RALGAPA2: variants seen among roughly 807,000 people sequenced by gnomAD.
The protein encoded by RALGAPA2 is ral GTPase-activating protein subunit alpha-2.
RALGAPA2 carries 139 observed loss-of-function variants against 230.4 expected under a neutral mutation model. The ratio of observed to expected loss-of-function variants is 0.60; its 90% CI spans 0.53 to 0.69. RALGAPA2 has a LOEUF of 0.69. Among genes scored for constraint, RALGAPA2 ranks in the 30% least tolerant of loss-of-function variants. The pLI is 0.00. For synonymous variants in RALGAPA2, 847 were observed against 837.8 expected (o/e 1.01, Z -0.19); for missense variants, 2,163 against 2,276.0 (o/e 0.95, Z 1.01).
chr20:20,504,558 C>A (rs1209499736), intron 34 of RALGAPA2, among the ~76,000 whole-genome samples: 1 of 152,060 alleles, frequency 6.6e-6, no homozygotes, highest in East Asian at 1.9e-4. Context: ...ACCATCTCTA[C>A]TAAAAATACA....
intron 20 of RALGAPA2, among the ~76,000 whole-genome samples, chr20:20,575,284 C>A (rs1332901516): frequency 1.3e-5 from 2 of 152,124 alleles, no homozygotes; most frequent in African/African-American, 4.8e-5. Context: ...ATTTCTCCAA[C>A]AACATATTTG....
At chr20:20,397,606 G>A (rs1414265059) in intron 38 of RALGAPA2, among the ~76,000 whole-genome samples, 1 of 152,168 alleles carries the variant, frequency 6.6e-6, no homozygotes, top group Non-Finnish European at 1.5e-5. Flanking sequence ...TATCAGTGAC[G>A]TGGACCATTG....
chr20:20,563,057 A>C (rs1163448914), intron 23 of RALGAPA2, among the ~76,000 whole-genome samples: 1 of 152,184 alleles, frequency 6.6e-6, no homozygotes, highest in Non-Finnish European at 1.5e-5. Flanking sequence ...CAGCTTCTGT[A>C]TTTTATCACT....
chr20:20,653,216 AAAAAAAAAAT>A (rs2067469031), intron 4 of RALGAPA2, among the ~76,000 whole-genome samples: 1 of 149,828 alleles, frequency 6.7e-6, no homozygotes, highest in African/African-American at 2.5e-5. Context: ...AAAAAAAAAA[AAAAAAAAAAT>A]ACACACTACT....
intron 36 of RALGAPA2, among the ~76,000 whole-genome samples, chr20:20,479,330 T>C (rs2061720862): frequency 6.6e-6 from 1 of 152,198 alleles, no homozygotes; most frequent in Non-Finnish European, 1.5e-5. Context: ...ATTAGGCTAG[T>C]ACAATCTTAA....
chr20:20,564,526 A>C (rs1467764708), intron 23 of RALGAPA2, among the ~76,000 whole-genome samples: 1 of 152,270 alleles, frequency 6.6e-6, no homozygotes, highest in Non-Finnish European at 1.5e-5. Flanking sequence ...CATGGCAGGA[A>C]AAAATATTCA....
Position 20,392,831 on chromosome 20 carries a change from C to A in RALGAPA2, c.*458G>T, listed in dbSNP as rs560634993. 13 of 237,466 alleles carry A rather than the reference C, an allele frequency of 5.5e-5. No individual in the cohort carries two copies. Among genetic ancestry groups the A allele is most frequent in the Non-Finnish European group, 2.5e-5 (3 of 118,084 alleles). 14.7% of individuals were successfully genotyped at this position (237,466 alleles called of 1,614,324 possible). Reference sequence around the variant, plus strand: ...CCCCTTTGTGAATCATGCTTGGGTTCATAAATGAGAAGAAACAACTTGGGG... The same window carrying A: ...CCCCTTTGTGAATCATGCTTGGGTTAATAAATGAGAAGAAACAACTTGGGG... On this transcript the variant is annotated 3_prime_UTR_variant, in exon 40 of 40. Coordinates refer to ENST00000202677, the MANE Select transcript of RALGAPA2 (RefSeq NM_020343.4).
At chr20:20,467,583 A>G (rs764641391) in intron 37 of RALGAPA2, among the ~76,000 whole-genome samples, 6 of 152,100 alleles carry the variant, frequency 3.9e-5, no homozygotes, top group Non-Finnish European at 8.8e-5. Flanking sequence ...TGATTGATTG[A>G]TTGATTGATT....
intron 23 of RALGAPA2, among the ~76,000 whole-genome samples, chr20:20,554,397 T>C (rs760978134): frequency 6.6e-6 from 1 of 152,228 alleles, no homozygotes; most frequent in Non-Finnish European, 1.5e-5. Flanking sequence ...ACATGATGTT[T>C]TGTTCGTCTT....
intron 37 of RALGAPA2, among the ~76,000 whole-genome samples, chr20:20,468,003 C>A (rs141683937): frequency 6.6e-6 from 1 of 152,276 alleles, no homozygotes; most frequent in East Asian, 1.9e-4. Context: ...TACAGGTCTA[C>A]CAACATTTTT....
chr20:20,598,561 C>T (rs1407288698), intron 16 of RALGAPA2: 1 of 267,490 alleles, frequency 3.7e-6, no homozygotes, highest in Non-Finnish European at 7.7e-6. Context: ...CAATTTAACA[C>T]TAGTGTAATG....
chr20:20,591,054 TAA>T, intron 17 of RALGAPA2, 121 bp downstream of exon 17: 1 of 1,174,842 alleles, frequency 8.5e-7, no homozygotes, highest in Non-Finnish European at 1.1e-6. Context: ...CTAATCAAAT[TAA>T]AAAGGTAATT....
At chr20:20,509,705 A>C (rs2062645467) in intron 33 of RALGAPA2, among the ~76,000 whole-genome samples, 1 of 152,232 alleles carries the variant, frequency 6.6e-6, no homozygotes, top group Non-Finnish European at 1.5e-5. Flanking sequence ...AAAGAAAAGA[A>C]AAAATGAAAA....
chr20:20,509,073 A>C (rs1252953917), intron 33 of RALGAPA2, among the ~76,000 whole-genome samples: 2 of 152,248 alleles, frequency 1.3e-5, no homozygotes, highest in Admixed American at 1.3e-4. Flanking sequence ...CATACGCTTA[A>C]AAAGCTGAGT....
intron 36 of RALGAPA2, among the ~76,000 whole-genome samples, chr20:20,480,548 AGATACAGTGTTCTCAGTGGGAAGAG>A (rs1285517527): frequency 2.0e-5 from 3 of 152,190 alleles, no homozygotes; most frequent in African/African-American, 7.2e-5. Flanking sequence ...TCCTAGAAGA[AGATACAGTGTTCTCAGTGGGAAGAG>A]GAAACTGATG....
chr20:20,401,270 A>G (rs777181913), intron 38 of RALGAPA2, among the ~76,000 whole-genome samples: 1 of 152,162 alleles, frequency 6.6e-6, no homozygotes, highest in Non-Finnish European at 1.5e-5. Context: ...TCCAAAAGTG[A>G]CACAACAGAA....
chr20:20,506,520 C>T (rs1172299297), intron 33 of RALGAPA2, among the ~76,000 whole-genome samples: 1 of 152,144 alleles, frequency 6.6e-6, no homozygotes, highest in Non-Finnish European at 1.5e-5. Flanking sequence ...ATCATTCATT[C>T]CCTAGCCCAA....
At chr20:20,408,077 A>T (rs564697808) in intron 38 of RALGAPA2, among the ~76,000 whole-genome samples, 1 of 152,330 alleles carries the variant, frequency 6.6e-6, no homozygotes, top group African/African-American at 2.4e-5. Context: ...ATAAACAAAG[A>T]CCTGTGCTCC....
chr20:20,457,282 G>C (rs2061144693), intron 37 of RALGAPA2, among the ~76,000 whole-genome samples: 1 of 152,178 alleles, frequency 6.6e-6, no homozygotes. Flanking sequence ...CCAAACTGAA[G>C]TGTTGAACTT....
Sources: allele counts gnomAD v4.1 joint callset (sites outside exome capture counted in the v4.1 genomes callset), GRCh38; gene constraint gnomAD v4.1.1; transcripts MANE v1.5; gene names NCBI Gene and HGNC (gene_info 2026-07-23, HGNC 2026-07-21).